The following ADGRB3 variants were observed in gnomAD, a reference collection of about 807,000 sequenced individuals.
ADGRB3 encodes the protein adhesion G protein-coupled receptor B3, also known as brain-specific angiogenesis inhibitor 3.
A neutral mutation model predicts 193.4 loss-of-function variants in ADGRB3; 37 were observed. That is an observed-to-expected ratio of 0.19 (90% CI 0.15 to 0.25). The LOEUF (loss-of-function observed/expected upper bound fraction) is 0.25. Ranked by LOEUF, ADGRB3 falls within the 10% of genes least tolerant of loss-of-function variation. ADGRB3 has a pLI of 1.00. For missense variants in ADGRB3, 1,637 were observed against 1,852.9 expected (o/e 0.88, Z 2.14); for synonymous variants, 690 against 644.2 (o/e 1.07, Z -1.08).
At chr6:69,353,797 C>T (rs1250972913) in intron 26 of ADGRB3, among the ~76,000 whole-genome samples, 1 of 152,152 alleles carries the variant, frequency 6.6e-6, no homozygotes, top group African/African-American at 2.4e-5. Context: ...GGCACGGTGG[C>T]TCATGCCTGT....
At chr6:68,987,048 C>T (rs148723933) in intron 10 of ADGRB3, among the ~76,000 whole-genome samples, 34 of 152,196 alleles carry the variant, frequency 2.2e-4, no homozygotes, top group African/African-American at 8.2e-4. Flanking sequence ...CCCCCTTTCA[C>T]TGTTGATCTT....
chr6:68,785,263 G>A (rs1302379055), intron 3 of ADGRB3, among the ~76,000 whole-genome samples: 1 of 151,212 alleles, frequency 6.6e-6, no homozygotes, highest in African/African-American at 2.4e-5. Context: ...CCATTAACTC[G>A]TCATTTAGCA....
At chr6:69,103,230 G>A (rs1290518989) in intron 17 of ADGRB3, among the ~76,000 whole-genome samples, 1 of 152,142 alleles carries the variant, frequency 6.6e-6, no homozygotes, top group Non-Finnish European at 1.5e-5. Context: ...TGTTTCTGGT[G>A]TACTGAAATT....
intron 3 of ADGRB3, among the ~76,000 whole-genome samples, chr6:68,772,737 GC>G (rs1315271153): frequency 6.6e-6 from 1 of 150,744 alleles, no homozygotes; most frequent in East Asian, 1.9e-4. Context: ...AAACAAACAG[GC>G]CAGGTGTGGT....
At chr6:68,830,469 G>A (rs1224480144) in intron 3 of ADGRB3, among the ~76,000 whole-genome samples, 3 of 152,072 alleles carry the variant, frequency 2.0e-5, no homozygotes, top group South Asian at 2.1e-4. Context: ...GCATTCAGAC[G>A]TTTGGCAATA....
intron 15 of ADGRB3, among the ~76,000 whole-genome samples, chr6:69,058,152 T>G (rs1435665644): frequency 6.6e-6 from 1 of 151,912 alleles, no homozygotes; most frequent in Non-Finnish European, 1.5e-5. Context: ...TTCTGCATGC[T>G]TCAGTCTTGG....
At chr6:68,864,945 C>G (rs879944321) in intron 3 of ADGRB3, among the ~76,000 whole-genome samples, 1 of 152,156 alleles carries the variant, frequency 6.6e-6, no homozygotes, top group East Asian at 1.9e-4. Context: ...GTTTACACTC[C>G]ACCTGAAAGA....
intron 8 of ADGRB3, among the ~76,000 whole-genome samples, chr6:68,966,074 C>T (rs1458417284): frequency 1.3e-5 from 2 of 152,138 alleles, no homozygotes; most frequent in Non-Finnish European, 2.9e-5. Context: ...CTCTTCCTCA[C>T]ATGTTGTAGT....
chr6:68,874,111 T>C (rs1371495529), intron 3 of ADGRB3, among the ~76,000 whole-genome samples: 2 of 152,060 alleles, frequency 1.3e-5, no homozygotes, highest in African/African-American at 2.4e-5. Flanking sequence ...ATGATATATA[T>C]TTTTCACACC....
chr6:69,352,314 A>T (rs959616691), intron 26 of ADGRB3, among the ~76,000 whole-genome samples: 2 of 152,232 alleles, frequency 1.3e-5, no homozygotes, highest in Non-Finnish European at 2.9e-5. Flanking sequence ...TTTACCAGGA[A>T]AAGCTAGATT....
At chr6:68,965,670 A>T (rs761727484) in intron 8 of ADGRB3, among the ~76,000 whole-genome samples, 4 of 152,152 alleles carry the variant, frequency 2.6e-5, no homozygotes, top group South Asian at 2.1e-4. Flanking sequence ...TGCTAACTAC[A>T]TACTTGTGAC....
intron 2 of ADGRB3, 77 bp from the exon 3 acceptor site, chr6:68,638,584 G>A (rs982338461): frequency 1.5e-6 from 2 of 1,374,934 alleles, no homozygotes; most frequent in Admixed American, 2.4e-5. Flanking sequence ...ACAGCTGGCT[G>A]TAATATTGAA....
chr6:69,052,851 G>A (rs1442473938), intron 15 of ADGRB3, among the ~76,000 whole-genome samples: 1 of 152,150 alleles, frequency 6.6e-6, no homozygotes, highest in Admixed American at 6.5e-5. Flanking sequence ...GTTATTCTCA[G>A]CCTCTCAACT....
intron 3 of ADGRB3, among the ~76,000 whole-genome samples, chr6:68,725,520 A>G (rs1293617741): frequency 1.3e-5 from 2 of 151,824 alleles, no homozygotes; most frequent in East Asian, 2.0e-4. Context: ...ATCAAAAGGT[A>G]TTGATGACCA....
chr6:69,331,266 A>G (rs1768722441), intron 23 of ADGRB3, among the ~76,000 whole-genome samples: 1 of 152,206 alleles, frequency 6.6e-6, no homozygotes, highest in African/African-American at 2.4e-5. Flanking sequence ...AAAATTTTAA[A>G]CTACGGTAAT....
intron 26 of ADGRB3, among the ~76,000 whole-genome samples, chr6:69,345,960 A>G (rs1769079179): frequency 1.3e-5 from 2 of 152,202 alleles, no homozygotes; most frequent in Non-Finnish European, 2.9e-5. Context: ...ATACACCAAT[A>G]ATAGACAAAC....
In ADGRB3 at chr6:69,018,809, A is replaced by G. The variant is rs1282876449; in HGVS notation, c.2107+310A>G. Among the ~76,000 whole-genome samples the G allele has an allele frequency of 2.6e-5, 4 of 151,900 alleles. No homozygotes were observed. In the East Asian group the frequency reaches 7.7e-4, roughly 29 times the overall value. On this transcript the variant is annotated intron_variant, in intron 13 of 31. Transcript: ENST00000370598. ...TTCATTCTGCCAAATGCTCATTGCT[A>G]TCTAATCTAGTTATGAATGTGTGTG... is the stretch of plus-strand genomic sequence containing the variant.
intron 3 of ADGRB3, among the ~76,000 whole-genome samples, chr6:68,821,270 AT>A (rs1298758609): frequency 6.6e-6 from 1 of 151,942 alleles, no homozygotes; most frequent in Non-Finnish European, 1.5e-5. Flanking sequence ...TTGCATAATT[AT>A]TTTTATCATC....
chr6:69,250,621 G>T (rs183012806), intron 20 of ADGRB3, among the ~76,000 whole-genome samples: 1 of 152,308 alleles, frequency 6.6e-6, no homozygotes, highest in East Asian at 1.9e-4. Flanking sequence ...CTGCAATGAA[G>T]ATGTGTCGGA....
Sources: allele counts gnomAD v4.1 joint callset (sites outside exome capture counted in the v4.1 genomes callset), GRCh38; gene constraint gnomAD v4.1.1; transcripts MANE v1.5; gene names NCBI Gene and HGNC (gene_info 2026-07-23, HGNC 2026-07-21).